Variants in FMN2 observed in about 807,000 individuals in gnomAD.
FMN2 encodes formin-2.
A neutral mutation model predicts 142.3 loss-of-function variants in FMN2; 51 were observed. That is an observed-to-expected ratio of 0.36 (90% CI 0.29 to 0.45). The LOEUF is 0.45. Among genes scored for constraint, FMN2 ranks in the 20% least tolerant of loss-of-function variants. The pLI is 1.00. For synonymous variants in FMN2, 882 were observed against 869.8 expected (o/e 1.01, Z -0.25); for missense variants, 1,936 against 2,122.8 (o/e 0.91, Z 1.73).
intron 7 of FMN2, among the ~76,000 whole-genome samples, chr1:240,293,549 T>C (rs531349522): frequency 1.3e-5 from 2 of 152,158 alleles, no homozygotes; most frequent in Admixed American, 1.3e-4. Flanking sequence ...TAATCCTTTT[T>C]AATTAATTTT....
chr1:240,410,575 T>C (rs1024606837), intron 15 of FMN2, among the ~76,000 whole-genome samples: 31 of 152,212 alleles, frequency 2.0e-4, no homozygotes, highest in African/African-American at 7.2e-4. Flanking sequence ...ATTAAGGAAG[T>C]AAATGTTAAA....
chr1:240,123,425 C>A (rs764499587), intron 2 of FMN2, 80 bp downstream of exon 2: 4 of 1,403,354 alleles, frequency 2.9e-6, no homozygotes, highest in Non-Finnish European at 3.8e-6. Context: ...TGCCCAGTCA[C>A]CCTATAATTT....
At chr1:240,176,083 T>A (rs28606642) in intron 2 of FMN2, among the ~76,000 whole-genome samples, 7 of 152,290 alleles carry the variant, frequency 4.6e-5, no homozygotes, top group South Asian at 4.1e-4. Flanking sequence ...TTTAAAAAAA[T>A]TTTTGTTCCT....
At chr1:240,362,206 G>A (rs557421162) in intron 14 of FMN2, among the ~76,000 whole-genome samples, 18 of 152,118 alleles carry the variant, frequency 1.2e-4, no homozygotes, top group Non-Finnish European at 2.4e-4. Context: ...CTGAACTCTT[G>A]AATCAGAGTT....
chr1:240,164,931 A>C (rs139203369), intron 2 of FMN2, among the ~76,000 whole-genome samples: 1 of 152,150 alleles, frequency 6.6e-6, no homozygotes, highest in Non-Finnish European at 1.5e-5. Context: ...CCAATTATAC[A>C]TAAGTTAGAG....
chr1:240,217,726 G>A (rs1666956904), intron 6 of FMN2, among the ~76,000 whole-genome samples: 1 of 151,162 alleles, frequency 6.6e-6, no homozygotes, highest in African/African-American at 2.4e-5. Context: ...TTCAAGGAAT[G>A]CAATAATATT....
rs1291465908 is a variant in FMN2, at chr1:240,444,748, C to T, written c.5060+6538C>T. ...CGTGCCTTGTTAACATTTCTTTTTC[C>T]GTAATTTGTATTCAAGTGATTTGTA... On this transcript the variant is annotated intron_variant, in intron 16 of 17. Transcript: ENST00000319653. 5.3e-5 allele frequency among the ~76,000 whole-genome samples: 8 copies of T among 152,130 alleles called. No individual in the cohort carries two copies. In the East Asian group the frequency reaches 9.7e-4, roughly 18 times the overall value.
chr1:240,143,118 A>G, intron 2 of FMN2: 1 of 1,551,340 alleles, frequency 6.4e-7, no homozygotes, highest in Non-Finnish European at 8.9e-7. Context: ...CACCATGAAG[A>G]GGTCGTTGGG....
At chr1:240,228,632 T>C (rs1667430371) in intron 6 of FMN2, among the ~76,000 whole-genome samples, 2 of 152,148 alleles carry the variant, frequency 1.3e-5, no homozygotes, top group Admixed American at 1.3e-4. Context: ...GAATTTCAAG[T>C]CTTAGCCTAT....
chr1:240,461,831 T>A (rs946892549), intron 16 of FMN2, among the ~76,000 whole-genome samples: 2 of 152,108 alleles, frequency 1.3e-5, no homozygotes, highest in Non-Finnish European at 2.9e-5. Flanking sequence ...CACAAGGTGG[T>A]CAAATGAGAT....
At chr1:240,095,386 T>TACACACACACACACACAC (rs59692947) in intron 1 of FMN2, among the ~76,000 whole-genome samples, 124 of 149,864 alleles carry the variant, frequency 8.3e-4, no homozygotes, top group African/African-American at 2.7e-3. Context: ...TATATGTGCA[T>TACACACACACACACACAC]ACACACACAC....
At chr1:240,451,697 A>G (rs186034479) in intron 16 of FMN2, among the ~76,000 whole-genome samples, 1 of 152,210 alleles carries the variant, frequency 6.6e-6, no homozygotes, top group East Asian at 1.9e-4. Flanking sequence ...AGAGCAATAG[A>G]AGAAAGTGCG....
rs1668092749 is a variant in FMN2 at position 240,246,635 on chromosome 1, AT to A, written c.4066-11307del. On this transcript the variant is annotated intron_variant, in intron 6 of 17. Coordinates refer to ENST00000319653, the MANE Select transcript of FMN2 (RefSeq NM_020066.5). The stretch of plus-strand genomic sequence containing the variant: ...AACAAAGAACCTCAGTCCCACCCAG[AT>A]TTAGGGATCAGAATCTGCATTTTAA... Among the ~76,000 whole-genome samples, 3 of 152,294 alleles carry A rather than the reference AT, an allele frequency of 2.0e-5. No homozygotes were observed. In the South Asian group the frequency reaches 6.2e-4, roughly 32 times the overall value.
Position 240,393,435 on chromosome 1 carries a change from T to C in FMN2, c.4910+873T>C, listed in dbSNP as rs369110806. Among the ~76,000 whole-genome samples the C allele has an allele frequency of 3.3e-5, 5 of 152,304 alleles. No individual in the cohort carries two copies. The East Asian group carries it at 9.6e-4, about 29-fold the overall frequency. On this transcript the variant is annotated intron_variant, in intron 15 of 17. Transcript: ENST00000319653. Reference sequence around the variant, plus strand: ...GCAAACGTAATAGAAAAATATTGTATGTTCTAACTGTTCCACCAACCATCT... The same window carrying C: ...GCAAACGTAATAGAAAAATATTGTACGTTCTAACTGTTCCACCAACCATCT...
intron 15 of FMN2, among the ~76,000 whole-genome samples, chr1:240,436,890 TG>T (rs1675393268): frequency 6.6e-6 from 1 of 152,158 alleles, no homozygotes; most frequent in African/African-American, 2.4e-5. Flanking sequence ...CTTGAGTTTT[TG>T]TGGAGCAGAA....
intron 6 of FMN2, among the ~76,000 whole-genome samples, chr1:240,216,792 CA>C (rs999520074): frequency 6.6e-6 from 1 of 151,846 alleles, no homozygotes; most frequent in Non-Finnish European, 1.5e-5. Flanking sequence ...ACTAAAAATA[CA>C]AAAAAATTAG....
chr1:240,332,711 C>T (rs1393738993), intron 11 of FMN2, among the ~76,000 whole-genome samples: 1 of 152,092 alleles, frequency 6.6e-6, no homozygotes, highest in Non-Finnish European at 1.5e-5. Context: ...CTCAGAAGAG[C>T]TATACAAAGT....
chr1:240,363,473 G>T (rs74151648), intron 14 of FMN2, among the ~76,000 whole-genome samples: 2,141 of 152,278 alleles, frequency 0.014, 51 homozygotes, highest in African/African-American at 0.049. Context: ...TAAATCATGG[G>T]ACTTCGTCCA....
At chr1:240,315,425 TTTA>T (rs1265352447) in intron 8 of FMN2, among the ~76,000 whole-genome samples, 1 of 152,204 alleles carries the variant, frequency 6.6e-6, no homozygotes, top group Non-Finnish European at 1.5e-5. Flanking sequence ...GGGCAATAAA[TTTA>T]TTAAAGGAAT....
Sources: allele counts gnomAD v4.1 joint callset (sites outside exome capture counted in the v4.1 genomes callset), GRCh38; gene constraint gnomAD v4.1.1; transcripts MANE v1.5; gene names NCBI Gene and HGNC (gene_info 2026-07-23, HGNC 2026-07-21).